RASA2: variants seen among roughly 807,000 people sequenced by gnomAD.
RASA2 encodes the protein ras GTPase-activating protein 2.
In RASA2, 155 loss-of-function variants were observed where a neutral mutation model predicts 118.2. That is an observed-to-expected ratio of 1.31 (90% CI 1.15 to 1.50). The LOEUF is 1.50. Among genes scored for constraint, RASA2 ranks in the 40% most tolerant of loss-of-function variants. RASA2 has a pLI of 0.00. For missense variants in RASA2, 1,016 were observed against 1,009.6 expected (o/e 1.01, Z -0.09); for synonymous variants, 353 against 349.1 (o/e 1.01, Z -0.12).
chr3:141,533,205 A>T (rs1377734585), intron 4 of RASA2, among the ~76,000 whole-genome samples: 1 of 152,172 alleles, frequency 6.6e-6, no homozygotes, highest in Non-Finnish European at 1.5e-5. Flanking sequence ...AAGTTTGGCT[A>T]AACTTGGGTC....
chr3:141,584,156 C>A (rs933570219), intron 17 of RASA2, among the ~76,000 whole-genome samples: 6 of 151,892 alleles, frequency 4.0e-5, no homozygotes, highest in African/African-American at 1.2e-4. Context: ...TATGGTTAAA[C>A]CCTGTCTCTA....
rs550082635 is a variant in RASA2 at position 141,511,425 on chromosome 3, CA to C, written c.134-737del. Among the ~76,000 whole-genome samples, 75 of 152,042 alleles carry C rather than the reference CA, an allele frequency of 4.9e-4. No homozygotes were observed. In the East Asian group the frequency reaches 0.013, roughly 27 times the overall value. ...GAGGCATTGCATGTTTAGAGGTAGC[CA>C]GGGGGAGAAGTCAGCAGAGAGCCAG... On this transcript the variant is annotated intron_variant, in intron 1 of 23. Transcript: ENST00000286364.
chr3:141,555,742 C>T (rs538720615), intron 6 of RASA2, 98 bp from the exon 7 acceptor site: 1 of 1,000,300 alleles, frequency 1.0e-6, no homozygotes. Context: ...GTCACCTTAA[C>T]TTTTAAATGG....
chr3:141,502,030 C>T (rs1340789194), intron 1 of RASA2, among the ~76,000 whole-genome samples: 3 of 152,052 alleles, frequency 2.0e-5, no homozygotes, highest in African/African-American at 4.8e-5. Flanking sequence ...AACTGAGCAC[C>T]AACATGATTC....
intron 15 of RASA2, 73 bp from the exon 16 acceptor site, chr3:141,580,295 A>T: frequency 8.8e-7 from 1 of 1,139,808 alleles, no homozygotes; most frequent in Non-Finnish European, 1.3e-6. Flanking sequence ...TAGTCCATTT[A>T]CTCTATTCTA....
In RASA2 at chr3:141,586,724, C is replaced by CA; in HGVS notation, c.1906dup (p.Arg636LysfsTer54). 1 of 1,613,330 alleles carries CA rather than the reference C, an allele frequency of 6.2e-7. No individual in the cohort carries two copies. Among genetic ancestry groups the CA allele is most frequent in the South Asian group, 1.1e-5 (1 of 91,038 alleles). On this transcript the variant is annotated frameshift_variant, in exon 19 of 24. Coordinates refer to ENST00000286364, the MANE Select transcript of RASA2 (RefSeq NM_006506.5). LOFTEE classifies it high-confidence loss of function. Reference sequence around the variant, plus strand: ...AGAAACGATGGTTCTGCTTAACAAGCAGAGAGCTCACCTACCACAAACAGC... The same window carrying CA: ...AGAAACGATGGTTCTGCTTAACAAGCAAGAGAGCTCACCTACCACAAACAGC...
chr3:141,591,287 C>T (rs1184490415), intron 19 of RASA2, among the ~76,000 whole-genome samples: 1 of 152,114 alleles, frequency 6.6e-6, no homozygotes, highest in Non-Finnish European at 1.5e-5. Flanking sequence ...CTAAAAATTC[C>T]TTTATTTTCT....
At chr3:141,493,024 A>G (rs1340708958) in intron 1 of RASA2, among the ~76,000 whole-genome samples, 1 of 152,228 alleles carries the variant, frequency 6.6e-6, no homozygotes, top group Non-Finnish European at 1.5e-5. Context: ...ACATGAAGGT[A>G]GAGAAAATAA....
chr3:141,608,745 T>A (rs1163016107), intron 21 of RASA2, 48 bp downstream of exon 21: 1 of 1,536,730 alleles, frequency 6.5e-7, no homozygotes, highest in Admixed American at 1.7e-5. Context: ...ATTTGATATA[T>A]CCATGCAATG....
intron 17 of RASA2, among the ~76,000 whole-genome samples, chr3:141,581,781 A>G (rs746715061): frequency 4.6e-4 from 70 of 152,346 alleles, no homozygotes; most frequent in Non-Finnish European, 7.4e-4. Flanking sequence ...CTATAAATGT[A>G]CAAAAACCTG....
At chr3:141,563,138 TA>T (rs748358898) in intron 9 of RASA2, among the ~76,000 whole-genome samples, 4 of 152,212 alleles carry the variant, frequency 2.6e-5, no homozygotes, top group Non-Finnish European at 5.9e-5. Context: ...CAAAACTGCT[TA>T]CTCTTGAGAG....
chr3:141,519,262 C>A (rs968059081), intron 3 of RASA2, among the ~76,000 whole-genome samples: 3 of 152,096 alleles, frequency 2.0e-5, no homozygotes, highest in Admixed American at 6.5e-5. Flanking sequence ...CACCCCCTGG[C>A]CATTCTTGCA....
chr3:141,491,906 T>A (rs563874143), intron 1 of RASA2, among the ~76,000 whole-genome samples: 127 of 152,320 alleles, frequency 8.3e-4, no homozygotes, highest in South Asian at 8.3e-4. Flanking sequence ...GAAGTATAAA[T>A]CAAAACATTT....
intron 1 of RASA2, among the ~76,000 whole-genome samples, chr3:141,508,285 G>T (rs2081899281): frequency 6.6e-6 from 1 of 152,120 alleles, no homozygotes; most frequent in Non-Finnish European, 1.5e-5. Context: ...GCTGAGGAAA[G>T]GTTAGTGTTG....
At chr3:141,563,524 T>A (rs976526365) in intron 9 of RASA2, among the ~76,000 whole-genome samples, 5 of 152,210 alleles carry the variant, frequency 3.3e-5, no homozygotes, top group African/African-American at 1.2e-4. Context: ...TGGTAATAGT[T>A]ATACATCACA....
Position 141,608,547 on chromosome 3 carries a change from A to G in RASA2, c.2075A>G (p.Glu692Gly). The change falls in exon 21 of 24, where the codon GAA becomes GGA. Residue 692 changes from glutamate to glycine, a missense_variant. Transcript: ENST00000286364. ...TATGTCCAGGCAAATAACTGTGTAG[A>G]AGCTAATGAATGGATAGACGTACTC... ...PLYVQANNCV[E>G]ANEWIDVLCR... is the part of the protein sequence containing the mutation. The G allele has an allele frequency of 1.9e-6, 3 of 1,614,024 alleles. No individual in the cohort carries two copies. Among genetic ancestry groups the G allele is most frequent in the Admixed American group, 1.7e-5 (1 of 59,994 alleles).
At chr3:141,580,076 AAAAAAAAAAATATATAT>A (rs1349623715) in intron 15 of RASA2, among the ~76,000 whole-genome samples, 15 of 106,268 alleles carry the variant, frequency 1.4e-4, no homozygotes, top group Admixed American at 3.2e-4. Context: ...AAAGAAAAAA[AAAAAAAAAAATATATAT>A]ATATATATAT....
chr3:141,572,927 G>T (rs1166244537), intron 12 of RASA2, among the ~76,000 whole-genome samples: 1 of 152,054 alleles, frequency 6.6e-6, no homozygotes, highest in Non-Finnish European at 1.5e-5. Context: ...TTATTTCTTT[G>T]TTATGGGATT....
chr3:141,518,122 A>G (rs2082055415), intron 3 of RASA2, among the ~76,000 whole-genome samples: 1 of 152,044 alleles, frequency 6.6e-6, no homozygotes, highest in Non-Finnish European at 1.5e-5. Flanking sequence ...CTTTCTTTTT[A>G]GTATCCTAAA....
Sources: gnomAD v4.1 joint callset for allele counts (sites outside exome capture counted in the v4.1 genomes callset) on GRCh38, gnomAD v4.1.1 for gene constraint, MANE v1.5 for transcripts, NCBI Gene and HGNC (gene_info 2026-07-23, HGNC 2026-07-21) for gene names.